Variants in ERG observed in about 807,000 individuals in gnomAD.
ERG encodes transcriptional regulator ERG.
ERG carries 9 observed loss-of-function variants against 55.3 expected under a neutral mutation model. The ratio of observed to expected loss-of-function variants is 0.16; its 90% CI spans 0.10 to 0.28. The LOEUF (loss-of-function observed/expected upper bound fraction) is 0.28. ERG is among the 10% of genes least tolerant of loss of function. The pLI is 1.00. For missense variants in ERG, 434 were observed against 631.6 expected (o/e 0.69, Z 3.35); for synonymous variants, 223 against 237.3 (o/e 0.94, Z 0.55).
At position 38,560,998 on chromosome 21, in the gene ERG, A is replaced by G. The variant is rs149166611; in HGVS notation, c.-41+14664T>C. Among the ~76,000 whole-genome samples the G allele has an allele frequency of 4.9e-3, 742 of 152,228 alleles. 5 individuals are homozygous for G. Among genetic ancestry groups the G allele is most frequent in the Non-Finnish European group, 8.6e-3 (586 of 68,006 alleles). On this transcript the variant is annotated intron_variant, in intron 2 of 8. Coordinates refer to the ERG transcript ENST00000398897. ...TCAATCAAAAGGTTTTCTAACACAT[A>G]CTTTTTAATACTATAAAATGTGGGG...
intron 2 of ERG, among the ~76,000 whole-genome samples, chr21:38,546,977 A>C (rs2059791780): frequency 6.6e-6 from 1 of 152,196 alleles, no homozygotes; most frequent in African/African-American, 2.4e-5. Context: ...GGGTGTATGA[A>C]GTGGTCCTCA....
chr21:38,533,191 C>T (rs1243218853), intron 2 of ERG, among the ~76,000 whole-genome samples: 1 of 152,194 alleles, frequency 6.6e-6, no homozygotes, highest in Non-Finnish European at 1.5e-5. Context: ...GAACTCAGGT[C>T]AACACACAGA....
At chr21:38,595,470 T>C (rs2060125453) in intron 1 of ERG, among the ~76,000 whole-genome samples, 1 of 152,044 alleles carries the variant, frequency 6.6e-6, no homozygotes, top group African/African-American at 2.4e-5. Context: ...GGGAGTTCTG[T>C]TTCAGCCCCA....
At position 38,650,371 on chromosome 21, in the gene ERG, T is replaced by A. The variant is rs1225425496; in HGVS notation, c.-150+11287A>T. On this transcript the variant is annotated intron_variant, in intron 1 of 10. Transcript: ENST00000398910. The stretch of plus-strand genomic sequence containing the variant: ...AGTAGCATAGGCTGGGCACGGTGGC[T>A]CAGCCTGTAATCCCAACACTTTGGG... Among the ~76,000 whole-genome samples the A allele has an allele frequency of 1.4e-4, 22 of 152,272 alleles. No individual in the cohort carries two copies. The East Asian group carries it at 4.1e-3, about 28-fold the overall frequency.
intron 3 of ERG, among the ~76,000 whole-genome samples, chr21:38,405,298 A>G (rs2253645): frequency 0.87 from 132,261 of 152,258 alleles, 57,979 homozygotes; most frequent in Non-Finnish European, 0.94. Context: ...ATGTAGCCAA[A>G]TGAATTCACA....
intron 2 of ERG, among the ~76,000 whole-genome samples, chr21:38,550,036 A>C (rs907399699): frequency 1.3e-5 from 2 of 152,182 alleles, no homozygotes; most frequent in African/African-American, 2.4e-5. Context: ...CATTGGTCAG[A>C]GTCACCCTGC....
At chr21:38,510,948 T>G (rs561059238) in intron 2 of ERG, among the ~76,000 whole-genome samples, 1 of 152,216 alleles carries the variant, frequency 6.6e-6, no homozygotes, top group Non-Finnish European at 1.5e-5. Flanking sequence ...GGAAGATTTC[T>G]GATCTTTAAC....
upstream of ERG, among the ~76,000 whole-genome samples, chr21:38,501,036 T>C (rs2146698583): frequency 6.6e-6 from 1 of 151,352 alleles, no homozygotes; most frequent in East Asian, 1.9e-4. Flanking sequence ...AAAAAATCTT[T>C]GGCTCTTGAT....
At chr21:38,654,558 G>A (rs1297492559) in intron 1 of ERG, among the ~76,000 whole-genome samples, 2 of 152,200 alleles carry the variant, frequency 1.3e-5, no homozygotes, top group Admixed American at 6.5e-5. Context: ...TAATGGCAGG[G>A]CCTTTAGGTA....
chr21:38,559,383 CTTTTTTTTTTTTT>C (rs574207119), intron 2 of ERG, among the ~76,000 whole-genome samples: 1 of 92,076 alleles, frequency 1.1e-5, no homozygotes, highest in African/African-American at 4.8e-5. Context: ...TCCCATTTCC[CTTTTTTTTTTTTT>C]TTTTTTTTTT....
intron 2 of ERG, among the ~76,000 whole-genome samples, chr21:38,430,453 T>C (rs936492374): frequency 1.3e-5 from 2 of 152,224 alleles, no homozygotes; most frequent in African/African-American, 2.4e-5. Flanking sequence ...TTGCATTTGC[T>C]TTTGGATTCT....
intron 2 of ERG, among the ~76,000 whole-genome samples, chr21:38,550,610 A>G (rs892199499): frequency 3.3e-5 from 5 of 152,174 alleles, no homozygotes; most frequent in African/African-American, 1.2e-4. Flanking sequence ...ACCCTGCTAC[A>G]CTCTGATCTC....
intron 1 of ERG, among the ~76,000 whole-genome samples, chr21:38,577,708 G>A (rs1475152741): frequency 3.3e-5 from 5 of 152,176 alleles, no homozygotes; most frequent in South Asian, 2.1e-4. Flanking sequence ...CATTCAGCCC[G>A]GAAGGGGAGC....
chr21:38,463,025 C>T (rs1235223541), intron 1 of ERG, among the ~76,000 whole-genome samples: 1 of 152,220 alleles, frequency 6.6e-6, no homozygotes, highest in African/African-American at 2.4e-5. Flanking sequence ...AGCCCGGGCA[C>T]AGACTCCCTG....
At chr21:38,562,207 T>TTA (rs542738467) in intron 2 of ERG, among the ~76,000 whole-genome samples, 1,561 of 152,130 alleles carry the variant, frequency 0.01, 30 homozygotes, top group African/African-American at 0.035. Flanking sequence ...TGTGTAGATA[T>TTA]TATATATATA....
rs1351682284 is a variant in ERG, at chr21:38,380,696, T to C, written c.*2707A>G. 1.9e-6 allele frequency: 2 copies of C among 1,064,904 alleles called. No individual in the cohort carries two copies. The highest frequency in any genetic ancestry group is 3.3e-5 in the African/African-American group (2 of 61,056). 66.0% of individuals were successfully genotyped at this position (1,064,904 alleles called of 1,614,324 possible). A position where few individuals can be genotyped will look rare whatever the true frequency, so the allele number is the denominator to read the frequency against. ...TTATGTATTTGAAGGAACTCAGTAT[T>C]ATCATGTTATCCAAAATTATCCCAG... On this transcript the variant is annotated 3_prime_UTR_variant, in exon 10 of 10. Coordinates refer to ENST00000288319, the MANE Select transcript of ERG (RefSeq NM_182918.4).
chr21:38,620,101 G>A (rs1040252448), intron 1 of ERG, among the ~76,000 whole-genome samples: 6 of 152,160 alleles, frequency 3.9e-5, no homozygotes, highest in Admixed American at 1.3e-4. Flanking sequence ...TGACTCCTCC[G>A]TAAATCAACA....
At chr21:38,558,945 A>G (rs1445107394) in intron 2 of ERG, among the ~76,000 whole-genome samples, 2 of 152,234 alleles carry the variant, frequency 1.3e-5, no homozygotes, top group African/African-American at 4.8e-5. Context: ...AGTACCAACT[A>G]CATAATTTGA....
chr21:38,485,521 G>A (rs546443408), intron 1 of ERG, among the ~76,000 whole-genome samples: 25 of 145,838 alleles, frequency 1.7e-4, no homozygotes, highest in East Asian at 1.4e-3. Flanking sequence ...GTGCTGTGGC[G>A]CAATCTCAGC....
Sources: allele counts gnomAD v4.1 joint callset (sites outside exome capture counted in the v4.1 genomes callset), GRCh38; gene constraint gnomAD v4.1.1; transcripts MANE v1.5; gene names NCBI Gene and HGNC (gene_info 2026-07-23, HGNC 2026-07-21).